The following FHIT variants were observed in gnomAD, a reference collection of about 807,000 sequenced individuals.
The protein encoded by FHIT is bis(5'-adenosyl)-triphosphatase.
FHIT carries 19 observed loss-of-function variants against 17.9 expected under a neutral mutation model. The observed-to-expected ratio is 1.06, with a 90% CI of 0.74 to 1.56. FHIT has a LOEUF of 1.56. FHIT is among the 40% of genes most tolerant of loss of function. The probability of loss-of-function intolerance (pLI) is 0.00; values close to 1 mark genes in which losing one functional copy is unlikely to be tolerated. For synonymous variants in FHIT, 81 were observed against 69.7 expected (o/e 1.16, Z -0.81); for missense variants, 248 against 189.2 (o/e 1.31, Z -1.82).
intron 2 of FHIT, among the ~76,000 whole-genome samples, chr3:61,129,773 A>G (rs1333679628): frequency 6.6e-6 from 1 of 152,208 alleles, no homozygotes; most frequent in Non-Finnish European, 1.5e-5. Context: ...AGTATGAAAA[A>G]TGTTACACTT....
chr3:60,181,238 T>A (rs1408980118), intron 5 of FHIT, among the ~76,000 whole-genome samples: 1 of 149,956 alleles, frequency 6.7e-6, no homozygotes, highest in Non-Finnish European at 1.5e-5. Context: ...CTCTGCCTCC[T>A]GGGTTCAAGC....
intron 5 of FHIT, among the ~76,000 whole-genome samples, chr3:60,017,767 C>G (rs1278690685): frequency 6.6e-6 from 1 of 152,142 alleles, no homozygotes; most frequent in Non-Finnish European, 1.5e-5. Flanking sequence ...CATGCCAAGC[C>G]CTATGCTGAA....
intron 8 of FHIT, among the ~76,000 whole-genome samples, chr3:59,882,291 G>A (rs184454041): frequency 4.6e-4 from 70 of 152,080 alleles, no homozygotes; most frequent in African/African-American, 1.5e-3. Context: ...AGTTAATATC[G>A]TTTATGAAAC....
chr3:59,997,627 A>G (rs1257331908), intron 7 of FHIT, among the ~76,000 whole-genome samples: 1 of 152,184 alleles, frequency 6.6e-6, no homozygotes, highest in Non-Finnish European at 1.5e-5. Context: ...CTTAAAAACT[A>G]ATGTTGGTTA....
chr3:60,191,494 T>C (rs533623167), intron 5 of FHIT, among the ~76,000 whole-genome samples: 1 of 152,302 alleles, frequency 6.6e-6, no homozygotes, highest in Non-Finnish European at 1.5e-5. Context: ...GCAGTGTACA[T>C]TGCTCACATA....
intron 4 of FHIT, among the ~76,000 whole-genome samples, chr3:60,776,287 C>T (rs71313791): frequency 0.016 from 2,462 of 152,250 alleles, 31 homozygotes; most frequent in Non-Finnish European, 0.027. Flanking sequence ...TTTCTTCTGC[C>T]TGCCTGTGTG....
chr3:60,863,017 G>A (rs1703990303), intron 3 of FHIT, among the ~76,000 whole-genome samples: 1 of 152,150 alleles, frequency 6.6e-6, no homozygotes, highest in Admixed American at 6.6e-5. Context: ...GTCACATGAG[G>A]TTGTAAAAAC....
chr3:60,790,259 G>A (rs1165349977), intron 4 of FHIT, among the ~76,000 whole-genome samples: 1 of 152,126 alleles, frequency 6.6e-6, no homozygotes, highest in African/African-American at 2.4e-5. Flanking sequence ...AGTAAGGAAA[G>A]CGGAATTTAC....
chr3:59,791,579 G>A, intron 8 of FHIT, among the ~76,000 whole-genome samples: 1 of 152,244 alleles, frequency 6.6e-6, no homozygotes, highest in East Asian at 1.9e-4. Flanking sequence ...GTTGAGTTGG[G>A]TTTCTATAAC....
At chr3:60,544,097 A>G (rs2036281036) in intron 4 of FHIT, among the ~76,000 whole-genome samples, 1 of 151,554 alleles carries the variant, frequency 6.6e-6, no homozygotes, top group African/African-American at 2.4e-5. Flanking sequence ...CTTAGAAATA[A>G]TGATAATCAT....
At chr3:60,016,316 C>T (rs536374434) in intron 5 of FHIT, among the ~76,000 whole-genome samples, 40 of 152,106 alleles carry the variant, frequency 2.6e-4, no homozygotes, top group African/African-American at 8.0e-4. Context: ...TTAAAGGAAG[C>T]GAAGGTCAAT....
At chr3:59,972,625 A>G (rs1013072320) in intron 7 of FHIT, among the ~76,000 whole-genome samples, 33 of 152,042 alleles carry the variant, frequency 2.2e-4, no homozygotes, top group Non-Finnish European at 4.1e-4. Context: ...AAACTCCCTG[A>G]CAAGTGGAAT....
intron 5 of FHIT, among the ~76,000 whole-genome samples, chr3:60,271,103 G>A (rs1412282213): frequency 6.6e-6 from 1 of 152,058 alleles, no homozygotes; most frequent in East Asian, 1.9e-4. Flanking sequence ...GTCACTAATA[G>A]CTTGTTAGCA....
chr3:60,367,849 T>C (rs1700170672), intron 5 of FHIT, among the ~76,000 whole-genome samples: 1 of 152,192 alleles, frequency 6.6e-6, no homozygotes, highest in African/African-American at 2.4e-5. Flanking sequence ...GAAACTGCTG[T>C]TCTGATTTCT....
At chr3:60,869,325 A>G (rs1215839744) in intron 3 of FHIT, among the ~76,000 whole-genome samples, 1 of 152,150 alleles carries the variant, frequency 6.6e-6, no homozygotes, top group African/African-American at 2.4e-5. Context: ...AAGGGGCATC[A>G]TTAGAAGGAC....
At chr3:61,214,320 G>C (rs2039595936) in intron 1 of FHIT, among the ~76,000 whole-genome samples, 1 of 152,068 alleles carries the variant, frequency 6.6e-6, no homozygotes, top group African/African-American at 2.4e-5. Context: ...AATGATAAAG[G>C]GGATATCACC....
chr3:60,774,146 C>A (rs1410092659), intron 4 of FHIT, among the ~76,000 whole-genome samples: 2 of 152,150 alleles, frequency 1.3e-5, no homozygotes, highest in African/African-American at 4.8e-5. Flanking sequence ...TGATACTTAA[C>A]AGACTTGAGA....
At chr3:60,290,997 G>A (rs1707958041) in intron 5 of FHIT, among the ~76,000 whole-genome samples, 1 of 152,108 alleles carries the variant, frequency 6.6e-6, no homozygotes, top group African/African-American at 2.4e-5. Flanking sequence ...TTGATACTAG[G>A]ATCTTTGTGG....
At chr3:60,497,900 C>G (rs764729076) in intron 5 of FHIT, among the ~76,000 whole-genome samples, 2 of 152,134 alleles carry the variant, frequency 1.3e-5, no homozygotes, top group African/African-American at 4.8e-5. Flanking sequence ...TCAACCAGTG[C>G]ATAATTTTAT....
Sources: allele counts gnomAD v4.1 joint callset (sites outside exome capture counted in the v4.1 genomes callset), GRCh38; gene constraint gnomAD v4.1.1; transcripts MANE v1.5; gene names NCBI Gene and HGNC (gene_info 2026-07-23, HGNC 2026-07-21).